Variants in MNDA observed in about 807,000 individuals in gnomAD.
MNDA encodes myeloid cell nuclear differentiation antigen, also known as epididymis secretory sperm binding protein.
Under a neutral mutation model 37.8 loss-of-function variants are expected in MNDA, and 43 were observed. That is an observed-to-expected ratio of 1.14 (90% CI 0.89 to 1.47). The LOEUF is 1.47. Among genes scored for constraint, MNDA ranks in the 40% most tolerant of loss-of-function variants. The pLI is 0.00. For missense variants in MNDA, 536 were observed against 476.0 expected (o/e 1.13, Z -1.17); for synonymous variants, 181 against 169.0 (o/e 1.07, Z -0.55).
At chr1:158,849,093 T>C (rs1659199245) in intron 6 of MNDA, 97 bp from the exon 7 acceptor site, 3 of 877,112 alleles carry the variant, frequency 3.4e-6, no homozygotes, top group Non-Finnish European at 5.3e-6. Context: ...ATGTAGCCAA[T>C]GGGAAGAAAA....
chr1:158,846,085 A>G (rs920129070), intron 5 of MNDA, 82 bp downstream of exon 5: 1 of 1,272,722 alleles, frequency 7.9e-7, no homozygotes, highest in African/African-American at 1.5e-5. Flanking sequence ...CTGTCTGAAT[A>G]TTGGAACACA....
chr1:158,836,058 T>C (rs902002843), intron 1 of MNDA, among the ~76,000 whole-genome samples: 1 of 152,046 alleles, frequency 6.6e-6, no homozygotes. Context: ...TGAGCCATCA[T>C]TGCATTCCAG....
intron 1 of MNDA, among the ~76,000 whole-genome samples, chr1:158,835,339 T>C (rs986236343): frequency 7.9e-5 from 12 of 152,168 alleles, no homozygotes; most frequent in African/African-American, 2.7e-4. Flanking sequence ...AGTTTATTCC[T>C]AAGTATTTTA....
chr1:158,843,897 C>A, intron 3 of MNDA, 58 bp from the exon 4 acceptor site: 1 of 1,453,846 alleles, frequency 6.9e-7, no homozygotes, highest in Non-Finnish European at 9.2e-7. Context: ...AAAATGAAAA[C>A]TTGCTCTGCT....
In MNDA at chr1:158,844,090, T is replaced by A. The variant is rs764836441; in HGVS notation, c.538T>A (p.Ser180Thr). ...VDHPPLPQTS[S>T]STPSNTSFTP... ...TCATCCCCCACTACCCCAGACCTCA[T>A]CATCAACTCCATCCAACACTTCGTT... Residue 180 changes from serine to threonine, a missense_variant, in exon 4 of 7, where the codon TCA becomes ACA. Coordinates refer to ENST00000368141, the MANE Select transcript of MNDA (RefSeq NM_002432.3). 3.1e-6 allele frequency: 5 copies of A among 1,599,852 alleles called. No individual in the cohort carries two copies. The South Asian group carries it at 4.5e-5, about 14-fold the overall frequency.
chr1:158,843,277 A>C lies in MNDA; in HGVS notation c.266-2A>C. ...TGTGCCCTTTTTCTTTTCTTTTGTC[A>C]GTTGCTAAGAAAATTAAAACACAAG... On this transcript the variant is annotated splice_acceptor_variant, in intron 2 of 6. Transcript: ENST00000368141. LOFTEE classifies it high-confidence loss of function. The C allele has an allele frequency of 6.2e-7, 1 of 1,605,428 alleles. No homozygotes were observed. Among genetic ancestry groups the C allele is most frequent in the South Asian group, 1.1e-5 (1 of 90,076 alleles).
At chr1:158,836,199 A>G (rs1658913080) in intron 1 of MNDA, among the ~76,000 whole-genome samples, 1 of 151,986 alleles carries the variant, frequency 6.6e-6, no homozygotes, top group Non-Finnish European at 1.5e-5. Context: ...TTATTTTTCT[A>G]GTGCCTCTGT....
chr1:158,848,728 T>A (rs903255387), intron 6 of MNDA, among the ~76,000 whole-genome samples: 1 of 152,168 alleles, frequency 6.6e-6, no homozygotes, highest in African/African-American at 2.4e-5. Context: ...GCAATTAGGC[T>A]TGGGGCAGAG....
chr1:158,845,805 G>A lies in MNDA; in HGVS notation c.789G>A (p.Lys263=). 1.2e-6 allele frequency: 2 copies of A among 1,614,016 alleles called. No homozygotes were observed. The highest frequency in any genetic ancestry group is 8.5e-7 in the Non-Finnish European group (1 of 1,179,898). The change falls in exon 5 of 7, where the codon AAG becomes AAA. Residue 263 remains lysine, a synonymous_variant. Transcript: ENST00000368141. The part of the protein sequence containing the change: ...DINLKEKFVR[K]KVITISDYSE... ...ACTTGAAAGAGAAATTTGTAAGGAA[G>A]AAGGTCATTACCATATCTGATTACT...
intron 2 of MNDA, among the ~76,000 whole-genome samples, chr1:158,843,067 G>A (rs1376018200): frequency 6.6e-6 from 1 of 152,198 alleles, no homozygotes; most frequent in East Asian, 1.9e-4. Flanking sequence ...GGAGGAGTGA[G>A]TAAAGCACTG....
chr1:158,838,280 T>C (rs1479859508), intron 1 of MNDA, among the ~76,000 whole-genome samples: 1 of 152,050 alleles, frequency 6.6e-6, no homozygotes, highest in African/African-American at 2.4e-5. Context: ...ATAGTGGTAA[T>C]GAAATCCTTC....
At chr1:158,846,828 A>C (rs548246344) in intron 5 of MNDA, among the ~76,000 whole-genome samples, 13 of 152,292 alleles carry the variant, frequency 8.5e-5, no homozygotes, top group Admixed American at 7.2e-4. Flanking sequence ...TTACCTCCAC[A>C]TTTTCTCACA....
chr1:158,841,804 A>G (rs765304487), intron 1 of MNDA, among the ~76,000 whole-genome samples: 4 of 152,196 alleles, frequency 2.6e-5, no homozygotes, highest in Non-Finnish European at 5.9e-5. Context: ...TCAGGCCCCA[A>G]TAAAATATCA....
At chr1:158,841,232 A>C (rs1239705398) in intron 1 of MNDA, among the ~76,000 whole-genome samples, 2 of 152,210 alleles carry the variant, frequency 1.3e-5, no homozygotes, top group Admixed American at 6.5e-5. Context: ...ATAAGGTATA[A>C]GAAATTCAAA....
At chr1:158,834,372 A>G (rs776299864) in intron 1 of MNDA, among the ~76,000 whole-genome samples, 25 of 151,996 alleles carry the variant, frequency 1.6e-4, no homozygotes, top group Admixed American at 7.9e-4. Context: ...AGCTGGGACT[A>G]CAGACACGCG....
intron 1 of MNDA, among the ~76,000 whole-genome samples, chr1:158,837,022 T>C (rs1658929758): frequency 6.6e-6 from 1 of 151,860 alleles, no homozygotes; most frequent in Admixed American, 6.6e-5. Flanking sequence ...TTTCTTTCTG[T>C]TGATTTCTAC....
Position 158,842,227 on chromosome 1 carries a change from T to C in MNDA, c.74T>C (p.Ile25Thr). 6.2e-7 allele frequency: 1 copy of C among 1,613,884 alleles called. No homozygotes were observed. Among genetic ancestry groups the C allele is most frequent in the South Asian group, 1.1e-5 (1 of 91,084 alleles). Residue 25 changes from isoleucine to threonine, a missense_variant, in exon 2 of 7, where the codon ATT (isoleucine) becomes ACT (threonine). Coordinates refer to ENST00000368141, the MANE Select transcript of MNDA (RefSeq NM_002432.3). ...ELMDDYHFTS[I>T]KSLLAYDLGL... ...ATGGATGATTATCATTTTACATCAA[T>C]TAAGTCCTTACTGGCCTATGATTTA...
chr1:158,847,782 A>G lies in MNDA; in HGVS notation c.1042A>G (p.Met348Val). 6.2e-7 allele frequency: 1 copy of G among 1,614,070 alleles called. No individual in the cohort carries two copies. The highest frequency in any genetic ancestry group is 8.5e-7 in the Non-Finnish European group (1 of 1,179,920). The change falls in exon 6 of 7, where the codon ATG (methionine) becomes GTG (valine). Residue 348 changes from methionine (M) to valine (V), a missense_variant. Coordinates refer to ENST00000368141, the MANE Select transcript of MNDA (RefSeq NM_002432.3). ...TGAAATACAGGATAATACAGGATCCATGGATGTAGTGGGGAGTGGAAAATG... is the reference window on the plus strand; with the variant it reads ...TGAAATACAGGATAATACAGGATCCGTGGATGTAGTGGGGAGTGGAAAATG... Reference protein sequence around the residue: ...IYEIQDNTGSMDVVGSGKWHN... With the variant: ...IYEIQDNTGSVDVVGSGKWHN...
At chr1:158,842,480 C>A in intron 2 of MNDA, 62 bp downstream of exon 2, 1 of 1,521,580 alleles carries the variant, frequency 6.6e-7, no homozygotes, top group Non-Finnish European at 8.9e-7. Flanking sequence ...TTCAGTAGAA[C>A]CCCACCTTGG....
Sources: allele counts gnomAD v4.1 joint callset (sites outside exome capture counted in the v4.1 genomes callset), GRCh38; gene constraint gnomAD v4.1.1; transcripts MANE v1.5; gene names NCBI Gene and HGNC (gene_info 2026-07-23, HGNC 2026-07-21).